Variants in ZFHX3 observed in about 807,000 individuals in gnomAD.
ZFHX3 encodes the protein zinc finger homeobox 3.
A neutral mutation model predicts 279.1 loss-of-function variants in ZFHX3; 42 were observed. The ratio of observed to expected loss-of-function variants is 0.15; its 90% CI spans 0.12 to 0.19. The LOEUF (loss-of-function observed/expected upper bound fraction) is 0.19. Ranked by LOEUF, ZFHX3 falls within the 10% of genes least tolerant of loss-of-function variation. ZFHX3 has a pLI of 1.00. For missense variants in ZFHX3, 4,981 were observed against 4,754.0 expected (o/e 1.05, Z -1.40); for synonymous variants, 2,293 against 1,957.8 (o/e 1.17, Z -4.52).
rs186998909 is a variant in ZFHX3, at chr16:73,004,031, T to C, written c.-50+43721A>G. ...CCAGTAATCAAATACGTTAAAACAA[T>C]GAGGTCTCATTTGGCTCTTCAAATG... On this transcript the variant is annotated intron_variant, in intron 1 of 9. Transcript: ENST00000268489. 1.7e-3 allele frequency among the ~76,000 whole-genome samples: 264 copies of C among 151,556 alleles called. 1 individual carries two copies. Among genetic ancestry groups the C allele is most frequent in the Middle Eastern group, 3.4e-3 (1 of 294 alleles).
At chr16:73,010,008 G>C (rs751858472) in intron 1 of ZFHX3, among the ~76,000 whole-genome samples, 1 of 131,014 alleles carries the variant, frequency 7.6e-6, no homozygotes, top group Non-Finnish European at 1.6e-5. Flanking sequence ...GTTACAGAGC[G>C]AGACTCCCTC....
intron 2 of ZFHX3, among the ~76,000 whole-genome samples, chr16:73,653,908 G>C (rs1376366280): frequency 6.6e-6 from 1 of 152,148 alleles, no homozygotes; most frequent in East Asian, 1.9e-4. Context: ...AAGAGGGCCG[G>C]GCACGGTGGC....
intron 8 of ZFHX3, among the ~76,000 whole-genome samples, chr16:73,069,189 A>G (rs561849564): frequency 5.6e-4 from 85 of 152,352 alleles, no homozygotes; most frequent in Non-Finnish European, 9.3e-4. Flanking sequence ...TAATGCTGCA[A>G]AAATAACTCT....
In ZFHX3 at chr16:73,208,633, T is replaced by C. The variant is rs375050072; in HGVS notation, c.-1104+48414A>G. 4.3e-4 allele frequency among the ~76,000 whole-genome samples: 66 copies of C among 152,346 alleles called. 3 individuals carry two copies. Among genetic ancestry groups the C allele is most frequent in the Admixed American group, 1.6e-3 (25 of 15,298 alleles). On this transcript the variant is annotated intron_variant, in intron 5 of 17. Transcript: ENST00000641206. ...GATGGAAAGGCACAATATGCTCTTA[T>C]CCAGGCAAATATGCCTGTAAAACAG...
At chr16:73,591,073 G>T (rs1320991504) in intron 2 of ZFHX3, among the ~76,000 whole-genome samples, 1 of 152,136 alleles carries the variant, frequency 6.6e-6, no homozygotes, top group African/African-American at 2.4e-5. Context: ...TAGAAAATAA[G>T]CCAAGTGTGT....
At chr16:73,130,331 G>A (rs549346485) in intron 7 of ZFHX3, among the ~76,000 whole-genome samples, 20 of 152,042 alleles carry the variant, frequency 1.3e-4, no homozygotes, top group African/African-American at 2.7e-4. Context: ...ATGGCTCTGC[G>A]TTCTTGGGCA....
At position 72,795,343 on chromosome 16, in the gene ZFHX3, G is replaced by T. The variant is rs2035867702; in HGVS notation, c.7339C>A (p.Gln2447Lys). The T allele has an allele frequency of 1.2e-6, 2 of 1,613,988 alleles. No homozygotes were observed. Among genetic ancestry groups the T allele is most frequent in the African/African-American group, 2.7e-5 (2 of 74,898 alleles). Residue 2447 changes from glutamine to lysine, a missense_variant, in exon 9 of 10, where the codon CAA (glutamine) becomes AAA (lysine). Gln to Lys is a moderately conservative substitution (Grantham distance 53). Transcript: ENST00000268489. ...TGCAGCTCTGGCTTTGGTTGTCCTT[G>T]CTTTTCTTGGGTTTGGTTTGGCTGT... ...SAQPNQTQEKQGQPKPELQQQ... is the reference protein window; with the variant it reads ...SAQPNQTQEKKGQPKPELQQQ...
In ZFHX3 at chr16:72,888,066, G is replaced by A. The variant is rs559030876; in HGVS notation, c.3448+1665C>T. Among the ~76,000 whole-genome samples, 91 of 152,206 alleles carry A rather than the reference G, an allele frequency of 6.0e-4. 3 individuals carry two copies. The South Asian group carries it at 0.017, about 29-fold the overall frequency. On this transcript the variant is annotated intron_variant, in intron 4 of 9. Transcript: ENST00000268489. ...TAAAACTTAAAAACAAGAAACAGTC[G>A]TAGAAGTATGAGAAGAAACATGGAA...
At chr16:73,589,584 G>C (rs1178607409) in intron 2 of ZFHX3, among the ~76,000 whole-genome samples, 2 of 150,064 alleles carry the variant, frequency 1.3e-5, no homozygotes, top group African/African-American at 2.4e-5. Context: ...ACAAAAATTA[G>C]CTGGGCATGG....
intron 1 of ZFHX3, among the ~76,000 whole-genome samples, chr16:73,802,251 A>G (rs71388987): frequency 2.0e-5 from 3 of 152,120 alleles, no homozygotes; most frequent in Non-Finnish European, 2.9e-5. Context: ...AATTCTGATG[A>G]CCTCTTCAGG....
chr16:73,489,271 T>G (rs1262199128), intron 2 of ZFHX3, among the ~76,000 whole-genome samples: 1 of 152,208 alleles, frequency 6.6e-6, no homozygotes, highest in African/African-American at 2.4e-5. Flanking sequence ...TTGATGCACA[T>G]TCAACTGTAT....
intron 5 of ZFHX3, among the ~76,000 whole-genome samples, chr16:73,203,242 G>A (rs1220459213): frequency 6.6e-6 from 1 of 152,158 alleles, no homozygotes; most frequent in Non-Finnish European, 1.5e-5. Flanking sequence ...TTACTGCCAG[G>A]CACTCAGTAG....
chr16:73,558,118 C>T (rs2020314662), intron 2 of ZFHX3: 1 of 152,208 alleles, frequency 6.6e-6, no homozygotes, highest in Non-Finnish European at 1.5e-5. Context: ...CTGAAAGCAC[C>T]AGTAGGGAGA....
chr16:73,257,202 T>C (rs1423898061), intron 4 of ZFHX3: 10 of 152,208 alleles, frequency 6.6e-5, no homozygotes, highest in African/African-American at 2.4e-4. Context: ...TGATACTGTA[T>C]CAAAACAACA....
At chr16:73,045,107 G>T (rs1356796738) in intron 1 of ZFHX3, among the ~76,000 whole-genome samples, 1 of 152,148 alleles carries the variant, frequency 6.6e-6, no homozygotes, top group Admixed American at 6.5e-5. Flanking sequence ...AGCATTTCCA[G>T]ATTCTTACTG....
chr16:73,579,854 T>TTATATATATATA (rs200667144), intron 2 of ZFHX3, among the ~76,000 whole-genome samples: 17,725 of 140,402 alleles, frequency 0.13, 1,280 homozygotes, highest in Non-Finnish European at 0.14. Context: ...ATTATACAGA[T>TTATATATATATA]TATATATATA....
At chr16:73,172,858 T>A (rs562644989) in intron 5 of ZFHX3, among the ~76,000 whole-genome samples, 1 of 151,728 alleles carries the variant, frequency 6.6e-6, no homozygotes, top group Admixed American at 6.6e-5. Context: ...TTTTCCCTTG[T>A]TCTTCAGCTG....
At chr16:73,604,472 AC>A (rs1162759865) in intron 2 of ZFHX3, among the ~76,000 whole-genome samples, 10 of 152,148 alleles carry the variant, frequency 6.6e-5, no homozygotes, top group Admixed American at 2.6e-4. Context: ...TGGGCCAGGC[AC>A]AGTGACTCAC....
At chr16:73,153,795 G>T (rs746103093) in intron 5 of ZFHX3, among the ~76,000 whole-genome samples, 1 of 151,928 alleles carries the variant, frequency 6.6e-6, no homozygotes, top group African/African-American at 2.4e-5. Context: ...GACTAAAGGC[G>T]CACACCACTA....
Sources: gnomAD v4.1 joint callset for allele counts (sites outside exome capture counted in the v4.1 genomes callset) on GRCh38, gnomAD v4.1.1 for gene constraint, MANE v1.5 for transcripts, NCBI Gene and HGNC (gene_info 2026-07-23, HGNC 2026-07-21) for gene names.